EYS: variants seen among roughly 807,000 people sequenced by gnomAD.
EYS encodes the protein protein eyes shut homolog.
A neutral mutation model predicts 282.1 loss-of-function variants in EYS; 250 were observed. That is an observed-to-expected ratio of 0.89 (90% CI 0.80 to 0.98). The LOEUF is 0.98. Ranked by LOEUF, EYS falls within the 50% of genes least tolerant of loss-of-function variation. The probability of loss-of-function intolerance (pLI) is 0.00; values close to 1 mark genes in which losing one functional copy is unlikely to be tolerated. For synonymous variants in EYS, 1,355 were observed against 1,282.9 expected (o/e 1.06, Z -1.20); for missense variants, 4,016 against 3,709.0 (o/e 1.08, Z -2.15).
intron 12 of EYS, among the ~76,000 whole-genome samples, chr6:65,195,495 T>C (rs2150242498): frequency 6.6e-6 from 1 of 152,176 alleles, no homozygotes; most frequent in African/African-American, 2.4e-5. Flanking sequence ...GCATACTTCC[T>C]TTTCCCTTCT....
chr6:65,387,764 A>G (rs1765856191), intron 7 of EYS, among the ~76,000 whole-genome samples: 1 of 151,982 alleles, frequency 6.6e-6, no homozygotes, highest in South Asian at 2.1e-4. Flanking sequence ...TAAACTTGGA[A>G]TCAACTTTTG....
intron 12 of EYS, among the ~76,000 whole-genome samples, chr6:65,062,923 G>T (rs1442841472): frequency 2.6e-5 from 4 of 151,808 alleles, no homozygotes; most frequent in Non-Finnish European, 4.4e-5. Context: ...TTTTTGTTTG[G>T]TTTTCCTCCC....
At chr6:65,152,764 T>C (rs1184346282) in intron 12 of EYS, among the ~76,000 whole-genome samples, 2 of 151,772 alleles carry the variant, frequency 1.3e-5, no homozygotes, top group Non-Finnish European at 2.9e-5. Flanking sequence ...AAATAAAATA[T>C]ATAAATATAT....
intron 5 of EYS, among the ~76,000 whole-genome samples, chr6:65,439,499 T>C (rs1451436238): frequency 6.6e-6 from 1 of 152,174 alleles, no homozygotes; most frequent in Non-Finnish European, 1.5e-5. Flanking sequence ...TGTTCTTCCA[T>C]TTGTTTGTGT....
At chr6:65,329,251 A>T in intron 11 of EYS, 1 of 612,484 alleles carries the variant, frequency 1.6e-6, no homozygotes, top group African/African-American at 2.0e-5. Flanking sequence ...GTTAAATTTC[A>T]ACCCATATGA....
At position 65,604,586 on chromosome 6, in the gene EYS, T is replaced by C. The variant is rs536997851; in HGVS notation, c.-333+35192A>G. On this transcript the variant is annotated intron_variant, in intron 2 of 42. Coordinates refer to ENST00000503581, the MANE Select transcript of EYS (RefSeq NM_001142800.2). ...GTACACTTAAGGTTTGTGCATTTTA[T>C]TATATGTAAATTTTACATTAAAATA... 2.5e-3 allele frequency among the ~76,000 whole-genome samples: 377 copies of C among 152,150 alleles called. 1 individual carries two copies. The highest frequency in any genetic ancestry group is 4.3e-3 in the Non-Finnish European group (289 of 67,966).
intron 31 of EYS, among the ~76,000 whole-genome samples, chr6:64,192,992 C>T (rs979428383): frequency 6.6e-6 from 1 of 152,132 alleles, no homozygotes; most frequent in African/African-American, 2.4e-5. Context: ...TTTTTCAATC[C>T]ATGTGTCAAT....
At chr6:65,359,321 T>A (rs1764610441) in intron 8 of EYS, among the ~76,000 whole-genome samples, 1 of 152,102 alleles carries the variant, frequency 6.6e-6, no homozygotes. Flanking sequence ...AACAATTTTA[T>A]AACCTTAACC....
chr6:65,488,965 C>G (rs765463048), intron 5 of EYS, among the ~76,000 whole-genome samples: 1 of 152,080 alleles, frequency 6.6e-6, no homozygotes, highest in Non-Finnish European at 1.5e-5. Flanking sequence ...ACTCCTTATA[C>G]AAAAATCAAC....
At position 65,362,657 on chromosome 6, in the gene EYS, T is replaced by G. The variant is rs137905610; in HGVS notation, c.1300-9040A>C. Among the ~76,000 whole-genome samples the G allele has an allele frequency of 5.3e-5, 8 of 152,024 alleles. 1 individual carries two copies. In the East Asian group the frequency reaches 1.5e-3, roughly 29 times the overall value. On this transcript the variant is annotated intron_variant, in intron 8 of 42. Transcript: ENST00000503581. ...ATGTGTATATATGTAATATTTTTAC[T>G]ACAAGTGCTTAAAGATTTTCTTCTT...
intron 22 of EYS, among the ~76,000 whole-genome samples, chr6:64,791,576 C>T (rs868026536): frequency 6.6e-6 from 1 of 151,746 alleles, no homozygotes; most frequent in Non-Finnish European, 1.5e-5. Flanking sequence ...GAATGTGTAA[C>T]CAAAGAGAAA....
intron 13 of EYS, among the ~76,000 whole-genome samples, chr6:65,022,955 T>G (rs1029110315): frequency 3.9e-5 from 6 of 151,928 alleles, no homozygotes; most frequent in African/African-American, 1.4e-4. Flanking sequence ...TATTGTACAA[T>G]TCCATTTATA....
At chr6:64,412,254 A>C (rs1322410394) in intron 28 of EYS, among the ~76,000 whole-genome samples, 1 of 152,030 alleles carries the variant, frequency 6.6e-6, no homozygotes, top group Non-Finnish European at 1.5e-5. Context: ...TATTTTGGTA[A>C]ATTTTACTAA....
intron 1 of EYS, among the ~76,000 whole-genome samples, chr6:65,650,152 C>T (rs1767602825): frequency 6.6e-6 from 1 of 152,134 alleles, no homozygotes; most frequent in African/African-American, 2.4e-5. Context: ...TCATTGCCTA[C>T]ATAACTTATT....
At chr6:64,514,174 G>A (rs1006972140) in intron 26 of EYS, among the ~76,000 whole-genome samples, 1 of 151,596 alleles carries the variant, frequency 6.6e-6, no homozygotes, top group Admixed American at 6.6e-5. Flanking sequence ...CTCCGGCCAG[G>A]ACATAATTTA....
intron 13 of EYS, among the ~76,000 whole-genome samples, chr6:65,036,881 C>T (rs974064827): frequency 2.0e-5 from 3 of 151,900 alleles, no homozygotes; most frequent in East Asian, 1.9e-4. Context: ...TTAGTCCTGC[C>T]GTGGTTAAAA....
intron 12 of EYS, among the ~76,000 whole-genome samples, chr6:65,075,392 T>G (rs1467094069): frequency 6.6e-6 from 1 of 152,082 alleles, no homozygotes; most frequent in Admixed American, 6.6e-5. Flanking sequence ...ATGGAACTAC[T>G]ATATAAACAT....
intron 36 of EYS, among the ~76,000 whole-genome samples, chr6:63,833,499 C>T (rs1042059687): frequency 6.6e-6 from 1 of 152,138 alleles, no homozygotes; most frequent in Admixed American, 6.5e-5. Flanking sequence ...ATCCAACTTA[C>T]AAGGGATGTG....
intron 22 of EYS, among the ~76,000 whole-genome samples, chr6:64,727,793 C>A (rs1771808384): frequency 6.6e-6 from 1 of 152,134 alleles, no homozygotes; most frequent in Non-Finnish European, 1.5e-5. Flanking sequence ...GTTACTGAAC[C>A]AAAGGTGATG....
Sources: gnomAD v4.1 joint callset for allele counts (sites outside exome capture counted in the v4.1 genomes callset) on GRCh38, gnomAD v4.1.1 for gene constraint, MANE v1.5 for transcripts, NCBI Gene and HGNC (gene_info 2026-07-23, HGNC 2026-07-21) for gene names.